The following ALDH7A1 variants were observed in gnomAD, a reference collection of about 807,000 sequenced individuals.
ALDH7A1 encodes alpha-aminoadipic semialdehyde dehydrogenase.
ALDH7A1 carries 63 observed loss-of-function variants against 79.9 expected under a neutral mutation model. The ratio of observed to expected loss-of-function variants is 0.79; its 90% CI spans 0.64 to 0.97. ALDH7A1 has a LOEUF of 0.97. Ranked by LOEUF, ALDH7A1 falls within the 50% of genes least tolerant of loss-of-function variation. The pLI is 0.00. For missense variants in ALDH7A1, 627 were observed against 665.2 expected, an observed-to-expected ratio of 0.94 and a Z score of 0.63; for synonymous variants, 240 against 231.2, an observed-to-expected ratio of 1.04 and a Z score of -0.34.
chr5:126,583,058 A>T (rs1362686989), intron 4 of ALDH7A1, 84 bp from the exon 5 acceptor site: 1 of 1,518,452 alleles, frequency 6.6e-7, no homozygotes, highest in Non-Finnish European at 9.1e-7. Flanking sequence ...GAAGCAAAAC[A>T]TGTTTTGTAA....
At position 126,559,298 on chromosome 5, in the gene ALDH7A1, G is replaced by A. The variant is rs148052962; in HGVS notation, c.950C>T (p.Ser317Leu). ...TGTTCCCACAGCAGCGAAGAGAGCT[G>A]ATGGAACAACTAAGCTGAGGTCTGC... ...EDADLSLVVP[S>L]ALFAAVGTAG... The change falls in exon 11 of 18, where the codon TCA (serine) becomes TTA (leucine). Residue 317 changes from serine (S) to leucine (L), a missense_variant. Ser to Leu is a moderately radical substitution (Grantham distance 145). Transcript: ENST00000409134. 6 of 1,613,916 alleles carry A rather than the reference G, an allele frequency of 3.7e-6. No individual in the cohort carries two copies. In the African/African-American group the frequency reaches 5.3e-5, roughly 14 times the overall value.
Position 126,595,180 on chromosome 5 carries a change from C to A in ALDH7A1, c.19G>T (p.Ala7Ser), listed in dbSNP as rs935322440. The change falls in exon 1 of 18, where the codon GCG becomes TCG. Residue 7 changes from alanine to serine, a missense_variant. Transcript: ENST00000409134. MWRLPR[A>S]LCVHAAKTSK... ...GTCTTTGCAGCGTGCACACACAGCG[C>A]GCGAGGAAGGCGCCACATACTGAGC... The A allele has an allele frequency of 8.4e-6, 13 of 1,552,572 alleles. No individual in the cohort carries two copies. In the African/African-American group the frequency reaches 1.4e-4, roughly 16 times the overall value.
chr5:126,567,876 C>A lies in ALDH7A1; in HGVS notation c.871+383G>T, dbSNP rs923200920. ...TCGGCTCACTGCAAGCTCCACCTCC[C>A]GGGTTCAGACCATTCTCTTGCCTCA... On this transcript the variant is annotated intron_variant, in intron 9 of 17. Transcript: ENST00000409134. 16 of 253,212 alleles carry A rather than the reference C, an allele frequency of 6.3e-5. No individual in the cohort carries two copies. In the South Asian group the frequency reaches 7.4e-4, roughly 12 times the overall value. 15.7% of individuals were successfully genotyped at this position (253,212 alleles called of 1,614,324 possible). A position where few individuals can be genotyped will look rare whatever the true frequency, so the allele number is the denominator to read the frequency against.
chr5:126,568,592 G>A, intron 8 of ALDH7A1: 1 of 517,868 alleles, frequency 1.9e-6, no homozygotes, highest in South Asian at 2.0e-5. Flanking sequence ...ATCACCTAGA[G>A]GAAGTTGTTA....
chr5:126,545,238 C>A (rs951576885), intron 17 of ALDH7A1, among the ~76,000 whole-genome samples: 1 of 151,900 alleles, frequency 6.6e-6, no homozygotes, highest in Admixed American at 6.6e-5. Context: ...AAAGACATAC[C>A]ATACATGGTT....
At chr5:126,593,691 T>C in intron 1 of ALDH7A1, 1 of 549,536 alleles carries the variant, frequency 1.8e-6, no homozygotes, top group Non-Finnish European at 3.2e-6. Context: ...TCTTTTTCCA[T>C]TAATAACAGA....
At chr5:126,584,057 T>C in intron 3 of ALDH7A1, 45 bp from the exon 4 acceptor site, 1 of 1,488,550 alleles carries the variant, frequency 6.7e-7, no homozygotes, top group Non-Finnish European at 9.4e-7. Context: ...AAGCATAAAT[T>C]CATGTTTATA....
intron 9 of ALDH7A1, among the ~76,000 whole-genome samples, chr5:126,565,458 G>A (rs966863360): frequency 6.7e-6 from 1 of 149,390 alleles, no homozygotes; most frequent in African/African-American, 2.5e-5. Context: ...TTTTTAATTG[G>A]GTTGTCTTTT....
In ALDH7A1 at chr5:126,593,276, C is replaced by A. The variant is rs1306940301; in HGVS notation, c.246+75G>T. ...ACTGGCTTCTGCCTCTAAAGAAAGC[C>A]TGCACAAACTCCTTGTGTATAATTT... On this transcript the variant is annotated intron_variant, in intron 2 of 17. Coordinates refer to ENST00000409134, the MANE Select transcript of ALDH7A1 (RefSeq NM_001182.5). 3 of 1,585,540 alleles carry A rather than the reference C, an allele frequency of 1.9e-6. No homozygotes were observed. In the African/African-American group the frequency reaches 4.1e-5, roughly 21 times the overall value.
At position 126,545,005 on chromosome 5, in the gene ALDH7A1, C is replaced by T; in HGVS notation, c.1580G>A (p.Ser527Asn). Reference protein sequence around the residue: ...MRRSTCTINYSKDLPLAQGIK... With the variant: ...MRRSTCTINYNKDLPLAQGIK... Reference sequence around the variant, plus strand: ...TCCTTGGGCCAGAGGAAGGTCTTTACTGTAGTTGATAGTACTAGTGGGAAA... The same window carrying T: ...TCCTTGGGCCAGAGGAAGGTCTTTATTGTAGTTGATAGTACTAGTGGGAAA... Residue 527 changes from serine to asparagine, a missense_variant, in exon 18 of 18, where the codon AGT becomes AAT. Ser to Asn is a conservative substitution (Grantham distance 46). Coordinates refer to ENST00000409134, the MANE Select transcript of ALDH7A1 (RefSeq NM_001182.5). 6.2e-7 allele frequency: 1 copy of T among 1,609,736 alleles called. No homozygotes were observed. Among genetic ancestry groups the T allele is most frequent in the Middle Eastern group, 1.7e-4 (1 of 6,046 alleles).
At chr5:126,571,686 T>C (rs1750784419) in intron 7 of ALDH7A1, among the ~76,000 whole-genome samples, 1 of 151,712 alleles carries the variant, frequency 6.6e-6, no homozygotes, top group South Asian at 2.1e-4. Flanking sequence ...TCTATTAAAA[T>C]GATGATTAAA....
At chr5:126,584,091 A>G in intron 3 of ALDH7A1, 79 bp from the exon 4 acceptor site, 1 of 1,203,170 alleles carries the variant, frequency 8.3e-7, no homozygotes, top group Non-Finnish European at 1.2e-6. Flanking sequence ...TGTGTGCTGT[A>G]AAAGAACAAA....
chr5:126,594,488 A>C, intron 1 of ALDH7A1: 1 of 260,132 alleles, frequency 3.8e-6, no homozygotes, highest in Non-Finnish European at 7.3e-6. Context: ...CTTGTTGCTC[A>C]GGCTGGAGTG....
rs577675361 is a variant in ALDH7A1, at chr5:126,550,013, A to G, written c.1416-11T>C. The G allele has an allele frequency of 2.0e-5, 33 of 1,613,370 alleles. No individual in the cohort carries two copies. In the African/African-American group the frequency reaches 4.1e-4, roughly 20 times the overall value. On this transcript the variant is annotated splice_polypyrimidine_tract_variant and intron_variant, in intron 15 of 17. Transcript: ENST00000409134. The stretch of plus-strand genomic sequence containing the variant: ...TCTGATCCTTTAGGTCTGTGTAAAA[A>G]GGGAGGCATGGTGAGAGCAATGAAC...
intron 16 of ALDH7A1, among the ~76,000 whole-genome samples, chr5:126,549,101 G>A (rs755371547): frequency 9.8e-4 from 122 of 124,018 alleles, no homozygotes; most frequent in Admixed American, 3.8e-3. Flanking sequence ...AAAAAAAAAA[G>A]GAATAGTCAA....
chr5:126,550,103 T>C (rs968660074), intron 15 of ALDH7A1, 93 bp downstream of exon 15: 6 of 1,542,662 alleles, frequency 3.9e-6, no homozygotes, highest in Non-Finnish European at 5.4e-6. Context: ...CTTTCAATAC[T>C]GAAAAACTGA....
intron 8 of ALDH7A1, chr5:126,568,626 G>T (rs1201027685): frequency 4.4e-6 from 2 of 450,282 alleles, no homozygotes; most frequent in Non-Finnish European, 8.2e-6. Context: ...TTCCTATACT[G>T]AGTGAGTGAC....
intron 12 of ALDH7A1, 113 bp downstream of exon 12, chr5:126,555,818 G>A: frequency 1.2e-6 from 1 of 833,836 alleles, no homozygotes. Flanking sequence ...CCTGCTTCAT[G>A]TGCCTTCACG....
In ALDH7A1 at chr5:126,594,068, A is replaced by G. The variant is rs967540721; in HGVS notation, c.193-664T>C. The stretch of plus-strand genomic sequence containing the variant: ...GTTACATAACATCCTCCTATAAAAA[A>G]CTTTCTTTTAAAAAAAAATCTGGGC... On this transcript the variant is annotated intron_variant, in intron 1 of 17. Coordinates refer to ENST00000409134, the MANE Select transcript of ALDH7A1 (RefSeq NM_001182.5). 4 of 371,002 alleles carry G rather than the reference A, an allele frequency of 1.1e-5. 1 individual carries two copies. The highest frequency in any genetic ancestry group is 1.1e-4 in the Admixed American group (3 of 28,368). 23.0% of individuals were successfully genotyped at this position (371,002 alleles called of 1,614,324 possible).
Sources: gnomAD v4.1 joint callset for allele counts (sites outside exome capture counted in the v4.1 genomes callset) on GRCh38, gnomAD v4.1.1 for gene constraint, MANE v1.5 for transcripts, NCBI Gene and HGNC (gene_info 2026-07-23, HGNC 2026-07-21) for gene names.